The following GK variants were observed in gnomAD, a reference collection of about 807,000 sequenced individuals.
The protein encoded by GK is glycerol kinase, also known as ATP:glycerol 3-phosphotransferase.
A neutral mutation model predicts 56.4 loss-of-function variants in GK; 9 were observed. The ratio of observed to expected loss-of-function variants is 0.16; its 90% CI spans 0.10 to 0.28. The LOEUF (loss-of-function observed/expected upper bound fraction) is 0.28. Among genes scored for constraint, GK ranks in the 10% least tolerant of loss-of-function variants. The probability of loss-of-function intolerance (pLI) is 1.00; values close to 1 mark genes in which losing one functional copy is unlikely to be tolerated. For synonymous variants in GK, 104 were observed against 144.1 expected, an observed-to-expected ratio of 0.72 and a Z score of 1.99; for missense variants, 161 against 431.4, an observed-to-expected ratio of 0.37 and a Z score of 5.55.
intron 13 of GK, among the ~76,000 whole-genome samples, chrX:30,710,135 C>T (rs1170328844): frequency 1.8e-5 from 2 of 111,638 alleles, no homozygotes; most frequent in East Asian, 2.8e-4. Context: ...GTGAGGAAAC[C>T]GAGATTAGAA....
At chrX:30,718,488 CT>C (rs746011947) in intron 13 of GK, 49 bp from the exon 14 acceptor site, 17 of 851,152 alleles carry the variant, frequency 2.0e-5, no homozygotes, top group Non-Finnish European at 3.0e-5. Flanking sequence ...CAATAAAAAC[CT>C]TGGATAGTGA....
intron 4 of GK, among the ~76,000 whole-genome samples, chrX:30,683,149 TCTC>T (rs753123418): frequency 1.8e-5 from 2 of 111,465 alleles, no homozygotes; most frequent in Non-Finnish European, 3.8e-5. Context: ...TGCCTGTCCT[TCTC>T]CTCTTTATTT....
intron 18 of GK, among the ~76,000 whole-genome samples, chrX:30,723,122 G>T (rs760959621): frequency 5.2e-4 from 58 of 112,181 alleles, no homozygotes; most frequent in Non-Finnish European, 9.6e-4. Context: ...CCTGCGGGGC[G>T]TGGTGGCTCA....
At chrX:30,702,963 A>G in intron 11 of GK, among the ~76,000 whole-genome samples, 1 of 112,103 alleles carries the variant, frequency 8.9e-6, no homozygotes, top group South Asian at 3.7e-4. Context: ...GACCAAGAGC[A>G]TCTGAGTCAG....
At chrX:30,661,272 C>G (rs1347451336) in intron 1 of GK, among the ~76,000 whole-genome samples, 1 of 111,821 alleles carries the variant, frequency 8.9e-6, no homozygotes, top group Non-Finnish European at 1.9e-5. Flanking sequence ...TACCCTATCC[C>G]TTGTCTGGTA....
chrX:30,687,456 T>C, intron 4 of GK: 3 of 336,816 alleles, frequency 8.9e-6, no homozygotes, highest in South Asian at 7.9e-5. Context: ...GATCTACCAT[T>C]TCCTAAATGG....
intron 18 of GK, among the ~76,000 whole-genome samples, chrX:30,722,845 T>C (rs1936969030): frequency 9.0e-6 from 1 of 111,030 alleles, no homozygotes; most frequent in Non-Finnish European, 1.9e-5. Flanking sequence ...TCTTGAGCCT[T>C]CTCTCCTGGG....
chrX:30,677,427 T>C lies in GK; in HGVS notation c.312T>C (p.Thr104=). ...CCACTGTAGTCTGGGACAAGATAAC[T>C]GGAGAGCCTCTCTACAATGCTGTGG... The part of the protein sequence containing the change: ...RETTVVWDKI[T]GEPLYNAVVW... The change falls in exon 4 of 21, where the codon ACT becomes ACC. Residue 104 remains threonine, a synonymous_variant. Coordinates refer to ENST00000427190, the MANE Select transcript of GK (RefSeq NM_001205019.2). The C allele has an allele frequency of 8.8e-7, 1 of 1,141,250 alleles. No individual in the cohort carries two copies. The highest frequency in any genetic ancestry group is 1.2e-6 in the Non-Finnish European group (1 of 830,953). The allele number at this position is 1,141,250 out of a possible 1,213,427, so 94.1% of individuals were successfully genotyped here.
chrX:30,653,488 C>A lies in GK; in HGVS notation c.-50C>A. 9.0e-7 allele frequency: 1 copy of A among 1,105,370 alleles called. No homozygotes were observed. The highest frequency in any genetic ancestry group is 1.3e-6 in the Non-Finnish European group (1 of 798,548). 91.1% of individuals were successfully genotyped at this position (1,105,370 alleles called of 1,213,427 possible). A position where few individuals can be genotyped will look rare whatever the true frequency, so the allele number is the denominator to read the frequency against. On this transcript the variant is annotated 5_prime_UTR_variant, in exon 1 of 21. Coordinates refer to ENST00000427190, the MANE Select transcript of GK (RefSeq NM_001205019.2). Reference sequence around the variant, plus strand: ...CACCTGCCCCTCCCCCTCCCGCCGCCGTCACCCAGGAAACCGGCCGCAATC... The same window carrying A: ...CACCTGCCCCTCCCCCTCCCGCCGCAGTCACCCAGGAAACCGGCCGCAATC...
chrX:30,689,574 G>T (rs764793926), intron 4 of GK: 8 of 329,126 alleles, frequency 2.4e-5, no homozygotes, highest in South Asian at 1.8e-4. Flanking sequence ...TCCTGATGTG[G>T]CATATTCAAC....
intron 10 of GK, 138 bp from the exon 11 acceptor site, chrX:30,700,700 G>A (rs1935603112): frequency 1.9e-6 from 1 of 535,087 alleles, no homozygotes; most frequent in Non-Finnish European, 3.2e-6. Flanking sequence ...TGGGGAAAAT[G>A]GCCAAATGGA....
chrX:30,718,781 A>G (rs1210194649), intron 14 of GK, among the ~76,000 whole-genome samples, 165 bp downstream of exon 14: 1 of 112,135 alleles, frequency 8.9e-6, no homozygotes, highest in African/African-American at 3.2e-5. Flanking sequence ...GTGAAGATTT[A>G]TAAAACAAGG....
chrX:30,700,424 C>A lies in GK; in HGVS notation c.758C>A (p.Ala253Asp). 1 of 1,202,284 alleles carries A rather than the reference C, an allele frequency of 8.3e-7. No individual in the cohort carries two copies. The highest frequency in any genetic ancestry group is 1.1e-6 in the Non-Finnish European group (1 of 887,554). Residue 253 changes from alanine (A) to aspartate (D), a missense_variant, in exon 10 of 21, where the codon GCC becomes GAC. Physicochemically the swap from Ala to Asp is moderately radical, Grantham distance 126. Coordinates refer to ENST00000427190, the MANE Select transcript of GK (RefSeq NM_001205019.2). Reference sequence around the variant, plus strand: ...TTTAAATTTTATTAGAAAGCTGGGGCCTTGGAAGGTGTGCCAATATCTGGG... The same window carrying A: ...TTTAAATTTTATTAGAAAGCTGGGGACTTGGAAGGTGTGCCAATATCTGGG... The part of the protein sequence containing the change: ...MKISHSVKAG[A>D]LEGVPISGCL...
At chrX:30,724,541 G>A in intron 19 of GK, 1 of 256,935 alleles carries the variant, frequency 3.9e-6, no homozygotes, top group African/African-American at 2.9e-5. Flanking sequence ...TTTTTGGGGG[G>A]CTGTCTTTAT....
intron 12 of GK, 88 bp downstream of exon 12, chrX:30,707,686 G>A: frequency 3.7e-6 from 2 of 542,978 alleles, no homozygotes; most frequent in Non-Finnish European, 6.3e-6. Context: ...ACAACTTTTA[G>A]TCTTTAGCTT....
At chrX:30,699,235 ATGTATAACATGT>A (rs1935453078) in intron 9 of GK, among the ~76,000 whole-genome samples, 2 of 99,017 alleles carry the variant, frequency 2.0e-5, no homozygotes, top group Non-Finnish European at 4.0e-5. Flanking sequence ...TATACATGTT[ATGTATAACATGT>A]TATATATACA....
intron 19 of GK, among the ~76,000 whole-genome samples, chrX:30,726,507 G>A (rs1031371657): frequency 7.2e-5 from 8 of 110,620 alleles, no homozygotes; most frequent in Non-Finnish European, 1.5e-4. Context: ...GGCTGGTCTC[G>A]AACTCCCAAC....
At chrX:30,707,258 A>C (rs1195804216) in intron 11 of GK, among the ~76,000 whole-genome samples, 1 of 106,937 alleles carries the variant, frequency 9.4e-6, no homozygotes, top group Non-Finnish European at 1.9e-5. Context: ...TGAACTCGGG[A>C]GGCGGAGGTT....
At chrX:30,657,243 T>C (rs747141549) in intron 1 of GK, among the ~76,000 whole-genome samples, 2 of 112,723 alleles carry the variant, frequency 1.8e-5, no homozygotes, top group South Asian at 3.6e-4. Flanking sequence ...ATTTTAGTAG[T>C]AGACATACAA....
Sources: gnomAD v4.1 joint callset for allele counts (sites outside exome capture counted in the v4.1 genomes callset) on GRCh38, gnomAD v4.1.1 for gene constraint, MANE v1.5 for transcripts, NCBI Gene and HGNC (gene_info 2026-07-23, HGNC 2026-07-21) for gene names.